CACNA1S: variants seen among roughly 807,000 people sequenced by gnomAD.
CACNA1S encodes the protein voltage-dependent L-type calcium channel subunit alpha-1S.
Under a neutral mutation model 207.4 loss-of-function variants are expected in CACNA1S, and 126 were observed. That is an observed-to-expected ratio of 0.61 (90% CI 0.53 to 0.70). The LOEUF is 0.70. CACNA1S is among the 30% of genes least tolerant of loss of function. The pLI, the probability that CACNA1S is intolerant of heterozygous loss-of-function variation, is 0.00. For synonymous variants in CACNA1S, 960 were observed against 932.7 expected, an observed-to-expected ratio of 1.03 and a Z score of -0.53; for missense variants, 2,349 against 2,422.8, an observed-to-expected ratio of 0.97 and a Z score of 0.64.
At chr1:201,089,175 G>T in intron 6 of CACNA1S, 83 bp downstream of exon 6, 1 of 1,327,458 alleles carries the variant, frequency 7.5e-7, no homozygotes, top group Non-Finnish European at 1.1e-6. Flanking sequence ...CCTCCTGTGT[G>T]GACTGGCAAG....
intron 31 of CACNA1S, among the ~76,000 whole-genome samples, chr1:201,052,986 C>T (rs1660707637): frequency 6.6e-6 from 1 of 152,052 alleles, no homozygotes; most frequent in Non-Finnish European, 1.5e-5. Flanking sequence ...CAGCCTGGCC[C>T]CTGCTGTCCA....
intron 24 of CACNA1S, 135 bp from the exon 25 acceptor site, chr1:201,061,603 G>C (rs2102575111): frequency 1.2e-6 from 1 of 848,120 alleles, no homozygotes. Flanking sequence ...TACGGGACAG[G>C]AGTTAGGTCG....
chr1:201,108,350 G>A (rs1370783513), intron 2 of CACNA1S, among the ~76,000 whole-genome samples: 5 of 152,120 alleles, frequency 3.3e-5, no homozygotes, highest in Non-Finnish European at 5.9e-5. Flanking sequence ...ATTTCTTCAC[G>A]TCTCAGCCTC....
chr1:201,111,651 T>C (rs1663108806), intron 1 of CACNA1S, among the ~76,000 whole-genome samples: 2 of 152,144 alleles, frequency 1.3e-5, no homozygotes, highest in African/African-American at 4.8e-5. Context: ...CTGTCCACTG[T>C]CACCCCCCAC....
intron 32 of CACNA1S, among the ~76,000 whole-genome samples, chr1:201,051,710 G>A (rs953470474): frequency 6.6e-6 from 1 of 152,214 alleles, no homozygotes; most frequent in Non-Finnish European, 1.5e-5. Flanking sequence ...CAGCTGGGAA[G>A]AAGTGTCTCC....
chr1:201,052,706 A>C, intron 31 of CACNA1S, 58 bp from the exon 32 acceptor site: 1 of 1,378,648 alleles, frequency 7.3e-7, no homozygotes, highest in Admixed American at 1.7e-5. Context: ...CCCTCAGCTT[A>C]TCCCCCACTG....
chr1:201,062,089 C>T lies in CACNA1S; in HGVS notation c.2908G>A (p.Gly970Ser), dbSNP rs1332760098. 1.2e-6 allele frequency: 2 copies of T among 1,613,506 alleles called. No individual in the cohort carries two copies. The highest frequency in any genetic ancestry group is 8.5e-7 in the Non-Finnish European group (1 of 1,179,806). The part of the protein sequence containing the change: ...LSKMTEEECR[G>S]YYYVYKDGDP... ...CCGTCCTTGTACACGTAGTAGTAGC[C>T]CCTGTGGCAGGGAGGCCCAGTCACT... Residue 970 changes from glycine to serine, a missense_variant and splice_region_variant, in exon 24 of 44, where the codon GGC becomes AGC. Gly to Ser is a moderately conservative substitution (Grantham distance 56, BLOSUM62 0). Coordinates refer to ENST00000362061, the MANE Select transcript of CACNA1S (RefSeq NM_000069.3).
intron 31 of CACNA1S, 126 bp from the exon 32 acceptor site, chr1:201,052,774 G>A (rs1040293534): frequency 1.4e-5 from 11 of 795,304 alleles, no homozygotes; most frequent in African/African-American, 5.1e-5. Context: ...CCTTCATTGC[G>A]GGCCACATCA....
chr1:201,040,954 G>A (rs1404163738), intron 41 of CACNA1S, among the ~76,000 whole-genome samples: 1 of 152,224 alleles, frequency 6.6e-6, no homozygotes, highest in Admixed American at 6.5e-5. Flanking sequence ...GAGGGGATAA[G>A]GGCCAGAGTC....
Position 201,083,146 on chromosome 1 carries a change from C to G in CACNA1S, c.1393+16G>C. ...CACATGTGCCCTCCTCCCGGCTTCA[C>G]TCCGTTCCGCCTCACCTTGCAAACG... On this transcript the variant is annotated intron_variant, in intron 10 of 43. Transcript: ENST00000362061. The G allele has an allele frequency of 1.2e-6, 2 of 1,613,424 alleles. No homozygotes were observed. Among genetic ancestry groups the G allele is most frequent in the Non-Finnish European group, 1.7e-6 (2 of 1,179,842 alleles).
rs1414181449 is a variant in CACNA1S at position 201,089,430 on chromosome 1, G to A, written c.728C>T (p.Ser243Leu). The change falls in exon 6 of 44, where the codon TCG (serine) becomes TTG (leucine). Residue 243 changes from serine to leucine, a missense_variant. Ser to Leu is a moderately radical substitution (Grantham distance 145). Coordinates refer to ENST00000362061, the MANE Select transcript of CACNA1S (RefSeq NM_000069.3). ...CCCTGAGCCCGTCCTGGCGCAGGGC[G>A]ATGGCTCTTCATTCTCCACCGTGGC... The part of the protein sequence containing the change: ...IVATVENEEP[S>L]PCARTGSGRR... 11 of 1,614,138 alleles carry A rather than the reference G, an allele frequency of 6.8e-6. No homozygotes were observed. Among genetic ancestry groups the A allele is most frequent in the South Asian group, 1.1e-5 (1 of 91,080 alleles).
Position 201,074,608 on chromosome 1 carries a change from T to C in CACNA1S, c.1961A>G (p.Asn654Ser), listed in dbSNP as rs1210499108. The C allele has an allele frequency of 4.3e-6, 7 of 1,611,518 alleles. No homozygotes were observed. The African/African-American group carries it at 5.3e-5, about 12-fold the overall frequency. The change falls in exon 14 of 44, where the codon AAT (asparagine) becomes AGT (serine). Residue 654 changes from asparagine (N) to serine (S), a missense_variant. By Grantham distance (46) the Asn-to-Ser change is conservative (BLOSUM62 1). Coordinates refer to ENST00000362061, the MANE Select transcript of CACNA1S (RefSeq NM_000069.3). ...LFVCGNYILL[N>S]VFLAIAVDNL... ...GTCCACGGCAATGGCCAGGAAGACA[T>C]TGAGCAGGATGTCTGAGCGGGTTTA...
chr1:201,041,594 A>G lies in CACNA1S; in HGVS notation c.5049-5T>C. 1 of 1,609,048 alleles carries G rather than the reference A, an allele frequency of 6.2e-7. No individual in the cohort carries two copies. The highest frequency in any genetic ancestry group is 8.5e-7 in the Non-Finnish European group (1 of 1,175,382). ...AACTCCCTTTCATAGTGGACACTGAAATGGAAGCAAGGCTGGGTGAACCAG... is the reference window on the plus strand; with the variant it reads ...AACTCCCTTTCATAGTGGACACTGAGATGGAAGCAAGGCTGGGTGAACCAG... On this transcript the variant is annotated splice_polypyrimidine_tract_variant and splice_region_variant and intron_variant, in intron 40 of 43. Coordinates refer to ENST00000362061, the MANE Select transcript of CACNA1S (RefSeq NM_000069.3).
intron 2 of CACNA1S, among the ~76,000 whole-genome samples, chr1:201,101,397 CA>C (rs1395523577): frequency 5.3e-5 from 8 of 152,328 alleles, no homozygotes; most frequent in African/African-American, 1.9e-4. Flanking sequence ...TTCTCACTTC[CA>C]GGGCCTTCTG....
rs531319936 is a variant in CACNA1S, at chr1:201,088,289, C to T, written c.901-360G>A. Reference sequence around the variant, plus strand: ...AAGCCAAGATTTTTCAAATGAACAACGTCTGTGACCCCGGACAAGTCACCT... The same window carrying T: ...AAGCCAAGATTTTTCAAATGAACAATGTCTGTGACCCCGGACAAGTCACCT... On this transcript the variant is annotated intron_variant, in intron 6 of 43. Transcript: ENST00000362061. 9.9e-5 allele frequency among the ~76,000 whole-genome samples: 15 copies of T among 152,180 alleles called. 1 individual carries two copies. Among genetic ancestry groups the T allele is most frequent in the Admixed American group, 7.2e-4 (11 of 15,282 alleles).
chr1:201,095,489 C>A (rs1662391365), intron 2 of CACNA1S, among the ~76,000 whole-genome samples: 1 of 152,054 alleles, frequency 6.6e-6, no homozygotes, highest in South Asian at 2.1e-4. Context: ...GGAAGAGGTC[C>A]CCAAATGGCT....
intron 10 of CACNA1S, among the ~76,000 whole-genome samples, chr1:201,082,823 T>C (rs1473030055): frequency 1.3e-5 from 2 of 152,216 alleles, no homozygotes; most frequent in African/African-American, 2.4e-5. Context: ...TCCAAATTAC[T>C]AGCAATTTTA....
chr1:201,058,974 G>A (rs555491940), intron 27 of CACNA1S, among the ~76,000 whole-genome samples: 15 of 152,296 alleles, frequency 9.8e-5, no homozygotes, highest in Middle Eastern at 3.4e-3. Flanking sequence ...AGGAAGAGGC[G>A]CCCAGAGTCT....
chr1:201,049,145 T>C (rs1182336462), intron 34 of CACNA1S, 46 bp from the exon 35 acceptor site: 2 of 1,342,518 alleles, frequency 1.5e-6, no homozygotes, highest in Non-Finnish European at 2.1e-6. Flanking sequence ...CCTCCTCCGC[T>C]GCCAGAACCT....
Sources: gnomAD v4.1 joint callset for allele counts (sites outside exome capture counted in the v4.1 genomes callset) on GRCh38, gnomAD v4.1.1 for gene constraint, MANE v1.5 for transcripts, NCBI Gene and HGNC (gene_info 2026-07-23, HGNC 2026-07-21) for gene names.